Variants in CNTNAP2 observed in about 807,000 individuals in gnomAD.
CNTNAP2 encodes the protein contactin associated protein 2, also known as contactin-associated protein-like 2.
In CNTNAP2, 98 loss-of-function variants were observed where a neutral mutation model predicts 155.2. That is an observed-to-expected ratio of 0.63 (90% CI 0.54 to 0.75). The LOEUF is 0.75. Ranked by LOEUF, CNTNAP2 falls within the 30% of genes least tolerant of loss-of-function variation. The pLI is 0.00. For synonymous variants in CNTNAP2, 651 were observed against 631.2 expected (o/e 1.03, Z -0.47); for missense variants, 1,727 against 1,688.1 (o/e 1.02, Z -0.40).
intron 13 of CNTNAP2, among the ~76,000 whole-genome samples, chr7:147,849,292 A>T (rs1798878841): frequency 6.6e-6 from 1 of 152,238 alleles, no homozygotes; most frequent in Non-Finnish European, 1.5e-5. Flanking sequence ...TATGAATGTT[A>T]ATATACCAAC....
intron 21 of CNTNAP2, among the ~76,000 whole-genome samples, chr7:148,371,439 G>A (rs1173262683): frequency 1.3e-5 from 2 of 152,134 alleles, no homozygotes; most frequent in African/African-American, 4.8e-5. Context: ...TTTGGCTCAC[G>A]ATAATGTCCT....
chr7:146,943,881 C>G (rs182382525), intron 3 of CNTNAP2, among the ~76,000 whole-genome samples: 1 of 152,206 alleles, frequency 6.6e-6, no homozygotes, highest in Non-Finnish European at 1.5e-5. Flanking sequence ...TAGCATAACA[C>G]AGCATTTTAG....
At chr7:147,321,181 C>G (rs1004005009) in intron 9 of CNTNAP2, among the ~76,000 whole-genome samples, 3 of 152,166 alleles carry the variant, frequency 2.0e-5, no homozygotes, top group Non-Finnish European at 4.4e-5. Flanking sequence ...CCCTCCTTTT[C>G]TTCTCTCTGC....
At chr7:147,552,963 G>A (rs985248978) in intron 11 of CNTNAP2, among the ~76,000 whole-genome samples, 1 of 152,116 alleles carries the variant, frequency 6.6e-6, no homozygotes, top group Non-Finnish European at 1.5e-5. Context: ...CAGTCAAGAG[G>A]CAAAAAGAAA....
At chr7:147,515,321 C>CTTT (rs763147267) in intron 11 of CNTNAP2, among the ~76,000 whole-genome samples, 57,092 of 120,616 alleles carry the variant, frequency 0.47, 16,517 homozygotes, top group South Asian at 0.65. Context: ...TCATTATATT[C>CTTT]TTTTTTTGTT....
At chr7:148,339,909 A>T (rs1798198403) in intron 21 of CNTNAP2, among the ~76,000 whole-genome samples, 1 of 152,022 alleles carries the variant, frequency 6.6e-6, no homozygotes, top group Admixed American at 6.6e-5. Flanking sequence ...AGTCTACTCC[A>T]CAGGGTCACT....
At chr7:146,364,207 A>G (rs1795123851) in intron 1 of CNTNAP2, among the ~76,000 whole-genome samples, 1 of 152,210 alleles carries the variant, frequency 6.6e-6, no homozygotes, top group Admixed American at 6.5e-5. Flanking sequence ...AGAAGAATTA[A>G]GTGATTTGCC....
At chr7:147,489,372 T>C (rs1798565595) in intron 11 of CNTNAP2, among the ~76,000 whole-genome samples, 1 of 152,122 alleles carries the variant, frequency 6.6e-6, no homozygotes, top group Admixed American at 6.5e-5. Flanking sequence ...GGAAAGCCAG[T>C]TTTTGTCGTT....
intron 11 of CNTNAP2, among the ~76,000 whole-genome samples, chr7:147,527,454 G>A (rs913713030): frequency 3.9e-5 from 6 of 152,132 alleles, no homozygotes; most frequent in Non-Finnish European, 7.3e-5. Context: ...CTCAGTATGC[G>A]CAGCGTTATA....
intron 9 of CNTNAP2, among the ~76,000 whole-genome samples, chr7:147,393,071 G>C (rs1796748266): frequency 1.3e-5 from 2 of 152,044 alleles, no homozygotes; most frequent in South Asian, 4.1e-4. Context: ...CCAAGTTGCA[G>C]AGTTTTCTAT....
intron 8 of CNTNAP2, among the ~76,000 whole-genome samples, chr7:147,211,851 A>C (rs943424510): frequency 4.7e-4 from 72 of 152,110 alleles, no homozygotes; most frequent in African/African-American, 1.7e-3. Context: ...AGAAACTGTT[A>C]ACAAAGTAAA....
At chr7:147,270,396 A>G (rs1317977705) in intron 8 of CNTNAP2, among the ~76,000 whole-genome samples, 1 of 152,250 alleles carries the variant, frequency 6.6e-6, no homozygotes. Flanking sequence ...TGTTACAATA[A>G]TAATACTTTG....
At chr7:146,490,844 ATATC>A (rs1393032334) in intron 1 of CNTNAP2, among the ~76,000 whole-genome samples, 2 of 152,228 alleles carry the variant, frequency 1.3e-5, no homozygotes, top group Non-Finnish European at 2.9e-5. Context: ...ATAAGATTCT[ATATC>A]TATCATGGGA....
In CNTNAP2 at chr7:146,883,913, G is replaced by A. The variant is rs547656270; in HGVS notation, c.402+44009G>A. On this transcript the variant is annotated intron_variant, in intron 3 of 23. Transcript: ENST00000361727. ...CTAATATATAAAATAATCATATTATGTTTGAAGTGTCATTTATTAGTTTTT... is the reference window on the plus strand; with the variant it reads ...CTAATATATAAAATAATCATATTATATTTGAAGTGTCATTTATTAGTTTTT... Among the ~76,000 whole-genome samples, 30 of 152,056 alleles carry A rather than the reference G, an allele frequency of 2.0e-4. No individual in the cohort carries two copies. In the South Asian group the frequency reaches 5.6e-3, roughly 28 times the overall value.
At chr7:146,429,061 C>A (rs1796134826) in intron 1 of CNTNAP2, among the ~76,000 whole-genome samples, 1 of 151,992 alleles carries the variant, frequency 6.6e-6, no homozygotes, top group Non-Finnish European at 1.5e-5. Flanking sequence ...TCTGAGTTCT[C>A]TATTATGTTC....
chr7:146,634,849 A>C (rs958240860), intron 1 of CNTNAP2, among the ~76,000 whole-genome samples: 1 of 152,240 alleles, frequency 6.6e-6, no homozygotes, highest in Non-Finnish European at 1.5e-5. Flanking sequence ...TTTGTCACTC[A>C]TTCCAATTAA....
intron 1 of CNTNAP2, among the ~76,000 whole-genome samples, chr7:146,720,675 C>T (rs1428343746): frequency 6.6e-6 from 1 of 151,740 alleles, no homozygotes; most frequent in Non-Finnish European, 1.5e-5. Context: ...CATTTCCATT[C>T]ACTGTCTGTT....
intron 1 of CNTNAP2, among the ~76,000 whole-genome samples, chr7:146,606,916 CTG>C (rs1002413512): frequency 2.0e-5 from 3 of 152,146 alleles, no homozygotes; most frequent in African/African-American, 7.2e-5. Flanking sequence ...CAGAAATTCA[CTG>C]TGATCCTGCT....
chr7:147,889,541 A>ATGC (rs1799652851), intron 13 of CNTNAP2, among the ~76,000 whole-genome samples: 2 of 152,298 alleles, frequency 1.3e-5, no homozygotes, highest in South Asian at 4.1e-4. Context: ...AATAGCATAA[A>ATGC]AATTTCCAAA....
Sources: allele counts gnomAD v4.1 joint callset (sites outside exome capture counted in the v4.1 genomes callset), GRCh38; gene constraint gnomAD v4.1.1; transcripts MANE v1.5; gene names NCBI Gene and HGNC (gene_info 2026-07-23, HGNC 2026-07-21).